The following KIAA0586 variants were observed in gnomAD, a reference collection of about 807,000 sequenced individuals.
KIAA0586 encodes protein TALPID3.
KIAA0586 carries 144 observed loss-of-function variants against 169.8 expected under a neutral mutation model. The observed-to-expected ratio is 0.85, with a 90% CI of 0.74 to 0.97. KIAA0586 has a LOEUF of 0.97. KIAA0586 is among the 50% of genes least tolerant of loss of function. The pLI, the probability that KIAA0586 is intolerant of heterozygous loss-of-function variation, is 0.00. For synonymous variants in KIAA0586, 625 were observed against 612.4 expected (o/e 1.02, Z -0.30); for missense variants, 1,854 against 1,823.0 (o/e 1.02, Z -0.31).
chr14:58,435,108 T>C (rs1190981208), intron 4 of KIAA0586, among the ~76,000 whole-genome samples: 1 of 152,128 alleles, frequency 6.6e-6, no homozygotes, highest in African/African-American at 2.4e-5. Context: ...ACATACTACT[T>C]GATCTTTACA....
At chr14:58,561,938 T>G in the KIAA0586 span, among the ~76,000 whole-genome samples, 2 of 152,228 alleles carry the variant, frequency 1.3e-5, no homozygotes, top group African/African-American at 4.8e-5. Context: ...CATTTATATT[T>G]TAAATGAAAG....
intron 24 of KIAA0586, among the ~76,000 whole-genome samples, chr14:58,489,252 C>T (rs533735366): frequency 8.6e-6 from 1 of 116,780 alleles, no homozygotes; most frequent in East Asian, 2.7e-4. Flanking sequence ...GACAGGTTCT[C>T]ACTGTCATGC....
intron 4 of KIAA0586, among the ~76,000 whole-genome samples, chr14:58,433,994 G>A (rs1052107661): frequency 3.9e-5 from 6 of 152,018 alleles, no homozygotes; most frequent in East Asian, 1.9e-4. Flanking sequence ...ATGAGACCCC[G>A]TCTCATCAGA....
chr14:58,532,542 A>G (rs1161316198), intron 29 of KIAA0586, among the ~76,000 whole-genome samples: 1 of 152,178 alleles, frequency 6.6e-6, no homozygotes, highest in East Asian at 1.9e-4. Flanking sequence ...TTTTCAGAAA[A>G]GATATCTTTT....
intron 27 of KIAA0586, among the ~76,000 whole-genome samples, chr14:58,506,541 G>GT (rs1248927012): frequency 6.6e-6 from 1 of 151,980 alleles, no homozygotes; most frequent in Non-Finnish European, 1.5e-5. Flanking sequence ...ACAAAAATTA[G>GT]ACAGGTGTGG....
At chr14:58,520,865 T>TCA in intron 29 of KIAA0586, 1 of 164,232 alleles carries the variant, frequency 6.1e-6, no homozygotes. Context: ...GTAGCAGGTA[T>TCA]CATTACTTTA....
At chr14:58,530,422 C>G (rs188384960) in intron 29 of KIAA0586, among the ~76,000 whole-genome samples, 1 of 152,164 alleles carries the variant, frequency 6.6e-6, no homozygotes, top group Admixed American at 6.6e-5. Context: ...GGAGGCATCA[C>G]GCTACCTGAC....
the KIAA0586 span, among the ~76,000 whole-genome samples, chr14:58,560,150 CAAA>C: frequency 3.5e-5 from 3 of 86,300 alleles, no homozygotes; most frequent in South Asian, 3.7e-4. Context: ...GACTCCATCT[CAAA>C]AAAAAAAAAA....
Position 58,482,701 on chromosome 14 carries a change from A to C in KIAA0586, c.3133A>C (p.Thr1045Pro). Residue 1045 changes from threonine to proline, a missense_variant, in exon 21 of 31, where the codon ACA (threonine) becomes CCA (proline). Thr to Pro is a conservative substitution (Grantham distance 38, BLOSUM62 -1). Transcript: ENST00000652326. The part of the protein sequence containing the change: ...GVSGDASTNE[T>P]YLPARVCTPL... ...TTCTGGGGATGCTTCAACAAATGAA[A>C]CATATTTGCCGGTATGGGGAATTTT... The C allele has an allele frequency of 1.3e-6, 2 of 1,565,080 alleles. No individual in the cohort carries two copies. The highest frequency in any genetic ancestry group is 1.7e-6 in the Non-Finnish European group (2 of 1,158,294).
Position 58,509,996 on chromosome 14 carries a change from A to G in KIAA0586, c.4323+1287A>G, listed in dbSNP as rs188954868. Among the ~76,000 whole-genome samples, 17 of 152,328 alleles carry G rather than the reference A, an allele frequency of 1.1e-4. 1 individual carries two copies. In the East Asian group the frequency reaches 3.3e-3, roughly 29 times the overall value. On this transcript the variant is annotated intron_variant, in intron 28 of 30. Coordinates refer to ENST00000652326, the MANE Select transcript of KIAA0586 (RefSeq NM_001329943.3). ...ACATAACTCAATATTAAGAAAACAA[A>G]CAATCCAGTTGAAAAATGAACAATA...
chr14:58,469,273 T>C (rs1347474250), intron 16 of KIAA0586, among the ~76,000 whole-genome samples: 1 of 152,220 alleles, frequency 6.6e-6, no homozygotes, highest in Non-Finnish European at 1.5e-5. Context: ...CTCAGGAATA[T>C]TCCCGGCCCT....
rs1327527776 is a variant in KIAA0586 at position 58,488,010 on chromosome 14, T to C, written c.3428T>C (p.Val1143Ala). The change falls in exon 23 of 31, where the codon GTA (valine) becomes GCA (alanine). Residue 1143 changes from valine to alanine, a missense_variant. Transcript: ENST00000652326. ...LSDISIDKLK[V>A]SSPELPKPWG... is the part of the protein sequence containing the mutation. ...GATATTTCCATTGATAAATTGAAGG[T>C]ATCAAGCCCAGAGCTTCCCAAGCCA... 2 of 1,611,954 alleles carry C rather than the reference T, an allele frequency of 1.2e-6. No homozygotes were observed. Among genetic ancestry groups the C allele is most frequent in the Non-Finnish European group, 1.7e-6 (2 of 1,179,074 alleles).
At chr14:58,468,873 C>T in intron 16 of KIAA0586, among the ~76,000 whole-genome samples, 1 of 152,166 alleles carries the variant, frequency 6.6e-6, no homozygotes, top group East Asian at 1.9e-4. Flanking sequence ...TCCAAGGTTC[C>T]TCTTTTGATT....
chr14:58,535,541 T>C (rs184581789), intron 29 of KIAA0586, among the ~76,000 whole-genome samples: 1 of 152,358 alleles, frequency 6.6e-6, no homozygotes, highest in Non-Finnish European at 1.5e-5. Context: ...TATATACTTT[T>C]ATGCCGCCAG....
At chr14:58,544,386 G>A (rs1389521473) in intron 30 of KIAA0586, among the ~76,000 whole-genome samples, 1 of 152,130 alleles carries the variant, frequency 6.6e-6, no homozygotes, top group Non-Finnish European at 1.5e-5. Context: ...TATAAACCCA[G>A]TAATGGAATT....
rs2044465183 is a variant in KIAA0586 at position 58,512,562 on chromosome 14, A to T, written c.4364A>T (p.His1455Leu). The T allele has an allele frequency of 6.5e-7, 1 of 1,545,288 alleles. No individual in the cohort carries two copies. The highest frequency in any genetic ancestry group is 2.3e-5 in the Admixed American group (1 of 44,114). ...KQNQDVKQVEHKPSQSYLRVR... is the reference protein window; with the variant it reads ...KQNQDVKQVELKPSQSYLRVR... ...AATCAGGATGTTAAGCAAGTTGAAC[A>T]CAAACCATCACAAAGTTACCTACGT... is the stretch of plus-strand genomic sequence containing the variant. Residue 1455 changes from histidine (H) to leucine (L), a missense_variant, in exon 29 of 31, where the codon CAC (histidine) becomes CTC (leucine). Transcript: ENST00000652326.
intron 10 of KIAA0586, among the ~76,000 whole-genome samples, chr14:58,457,528 A>C (rs2039971415): frequency 6.6e-6 from 1 of 152,186 alleles, no homozygotes; most frequent in Non-Finnish European, 1.5e-5. Flanking sequence ...TCGGCCTCCC[A>C]AAGTGTTGGG....
At chr14:58,546,830 A>C (rs1055299540) in intron 30 of KIAA0586, among the ~76,000 whole-genome samples, 2 of 152,024 alleles carry the variant, frequency 1.3e-5, no homozygotes, top group East Asian at 1.9e-4. Context: ...TGAAGTGGGA[A>C]TTTTTTTTCA....
At chr14:58,543,110 T>C (rs2046755931) in intron 30 of KIAA0586, among the ~76,000 whole-genome samples, 3 of 130,966 alleles carry the variant, frequency 2.3e-5, no homozygotes, top group South Asian at 4.7e-4. Flanking sequence ...CCAGCCTGGG[T>C]GACAAAACGA....
Sources: allele counts gnomAD v4.1 joint callset (sites outside exome capture counted in the v4.1 genomes callset), GRCh38; gene constraint gnomAD v4.1.1; transcripts MANE v1.5; gene names NCBI Gene and HGNC (gene_info 2026-07-23, HGNC 2026-07-21).